The following CDK7 variants were observed in gnomAD, a reference collection of about 807,000 sequenced individuals.
CDK7 encodes the protein cyclin-dependent kinase 7.
CDK7 carries 25 observed loss-of-function variants against 49.1 expected under a neutral mutation model. That is an observed-to-expected ratio of 0.51 (90% CI 0.37 to 0.71). The LOEUF (loss-of-function observed/expected upper bound fraction) is 0.71. Among genes scored for constraint, CDK7 ranks in the 30% least tolerant of loss-of-function variants. The pLI, the probability that CDK7 is intolerant of heterozygous loss-of-function variation, is 0.00. For missense variants in CDK7, 316 were observed against 411.7 expected (o/e 0.77, Z 2.01); for synonymous variants, 107 against 140.0 (o/e 0.76, Z 1.67).
At position 69,234,934 on chromosome 5, in the gene CDK7, G is replaced by T; in HGVS notation, c.-42G>T. Reference sequence around the variant, plus strand: ...TAGCTTTAAATTCGTGTTGTCCTGGGAGCTCGCCCTTTTCGGCTGGAGTCG... The same window carrying T: ...TAGCTTTAAATTCGTGTTGTCCTGGTAGCTCGCCCTTTTCGGCTGGAGTCG... On this transcript the variant is annotated 5_prime_UTR_variant, in exon 1 of 12. Coordinates refer to ENST00000256443, the MANE Select transcript of CDK7 (RefSeq NM_001799.4). 6.4e-7 allele frequency: 1 copy of T among 1,558,778 alleles called. No homozygotes were observed. The highest frequency in any genetic ancestry group is 1.2e-5 in the South Asian group (1 of 85,126).
chr5:69,251,544 G>A (rs1750145315), intron 2 of CDK7, among the ~76,000 whole-genome samples: 1 of 151,956 alleles, frequency 6.6e-6, no homozygotes, highest in Non-Finnish European at 1.5e-5. Flanking sequence ...TTGTGTTTTT[G>A]TTTTTTTGTT....
chr5:69,239,129 A>C (rs141119122), intron 2 of CDK7, among the ~76,000 whole-genome samples: 1 of 152,148 alleles, frequency 6.6e-6, no homozygotes, highest in African/African-American at 2.4e-5. Flanking sequence ...GAAACAAATT[A>C]TGAATTGATG....
intron 9 of CDK7, among the ~76,000 whole-genome samples, chr5:69,271,156 C>G (rs1254038006): frequency 6.6e-6 from 1 of 152,166 alleles, no homozygotes; most frequent in Non-Finnish European, 1.5e-5. Flanking sequence ...TAATTTTAGG[C>G]ATTCTAATGA....
At chr5:69,258,229 GTAAATT>G (rs1351928466) in intron 6 of CDK7, 76 bp downstream of exon 6, 5 of 628,368 alleles carry the variant, frequency 8.0e-6, no homozygotes, top group African/African-American at 1.9e-5. Flanking sequence ...GTCTGAATAT[GTAAATT>G]GTTTAACAAT....
At chr5:69,257,086 A>G (rs1231176169) in intron 5 of CDK7, among the ~76,000 whole-genome samples, 2 of 152,200 alleles carry the variant, frequency 1.3e-5, no homozygotes, top group African/African-American at 4.8e-5. Context: ...TAAAAAGACT[A>G]TGTATTGAAC....
intron 10 of CDK7, 77 bp downstream of exon 10, chr5:69,273,118 A>C: frequency 9.4e-7 from 1 of 1,060,770 alleles, no homozygotes; most frequent in South Asian, 2.3e-5. Flanking sequence ...ATAGAATTTC[A>C]TAAAATTAAC....
intron 2 of CDK7, among the ~76,000 whole-genome samples, chr5:69,247,187 T>G (rs1309293387): frequency 6.6e-6 from 1 of 152,166 alleles, no homozygotes. Flanking sequence ...ATGGTGAAAG[T>G]GGGGGTGTTG....
rs1224785427 is a variant in CDK7 at position 69,254,657 on chromosome 5, A to C, written c.216A>C (p.Pro72=). 1 of 1,521,856 alleles carries C rather than the reference A, an allele frequency of 6.6e-7. No homozygotes were observed. The highest frequency in any genetic ancestry group is 1.4e-5 in the African/African-American group (1 of 73,062). 94.3% of individuals were successfully genotyped at this position (1,521,856 alleles called of 1,614,324 possible). ...EIKLLQELSH[P]NIIGLLDAFG... ...AATTATTACAGGAGCTAAGTCATCCAAATATAATTGGTGTGAGTATGATCA... is the reference window on the plus strand; with the variant it reads ...AATTATTACAGGAGCTAAGTCATCCCAATATAATTGGTGTGAGTATGATCA... Residue 72 remains proline, a synonymous_variant, in exon 4 of 12, where the codon CCA becomes CCC. Coordinates refer to ENST00000256443, the MANE Select transcript of CDK7 (RefSeq NM_001799.4).
chr5:69,240,691 G>A (rs1287980837), intron 2 of CDK7, among the ~76,000 whole-genome samples: 1 of 152,076 alleles, frequency 6.6e-6, no homozygotes, highest in African/African-American at 2.4e-5. Context: ...GCAATGGCGC[G>A]ATCTCGGCTC....
Position 69,252,427 on chromosome 5 carries a change from G to A in CDK7, c.136G>A (p.Gly46Arg). The stretch of plus-strand genomic sequence containing the variant: ...TTTCCGTTTCTACCAGATCAAACTT[G>A]GACATAGATCAGAAGCTAAAGATGG... ...QIVAIKKIKL[G>R]HRSEAKDGIN... is the part of the protein sequence containing the mutation. Residue 46 changes from glycine (G) to arginine (R), a missense_variant, in exon 3 of 12, where the codon GGA becomes AGA. Coordinates refer to ENST00000256443, the MANE Select transcript of CDK7 (RefSeq NM_001799.4). 1 of 1,542,336 alleles carries A rather than the reference G, an allele frequency of 6.5e-7. No individual in the cohort carries two copies. Among genetic ancestry groups the A allele is most frequent in the Non-Finnish European group, 8.8e-7 (1 of 1,140,414 alleles).
At chr5:69,271,849 T>C (rs546763555) in intron 9 of CDK7, among the ~76,000 whole-genome samples, 57 of 152,262 alleles carry the variant, frequency 3.7e-4, no homozygotes, top group African/African-American at 1.3e-3. Context: ...CTACAAGTTT[T>C]GTAGTTTTAT....
chr5:69,234,856 A>G (rs1338285950), upstream of CDK7: 4 of 990,968 alleles, frequency 4.0e-6, no homozygotes, highest in African/African-American at 1.6e-5. Context: ...TGAGGCGGGG[A>G]TACTAAAGCG....
chr5:69,255,380 A>T (rs1750418243), intron 4 of CDK7, 80 bp from the exon 5 acceptor site: 1 of 756,370 alleles, frequency 1.3e-6, no homozygotes, highest in East Asian at 2.5e-5. Flanking sequence ...TGCTTTTTAA[A>T]TTTTTAAAAA....
intron 8 of CDK7, among the ~76,000 whole-genome samples, chr5:69,262,837 A>G (rs1018150752): frequency 1.3e-5 from 2 of 152,202 alleles, no homozygotes; most frequent in Non-Finnish European, 2.9e-5. Context: ...ACTTTACTGT[A>G]GAAGTTTTAT....
At position 69,235,426 on chromosome 5, in the gene CDK7, C is replaced by A. The variant is rs2972388; in HGVS notation, c.99C>A (p.Asn33Lys). The A allele has an allele frequency of 3.1e-6, 5 of 1,599,938 alleles. No homozygotes were observed. Among genetic ancestry groups the A allele is most frequent in the East Asian group, 4.5e-5 (2 of 44,834 alleles). The change falls in exon 2 of 12, where the codon AAC becomes AAA. Residue 33 changes from asparagine (N) to lysine (K), a missense_variant. Asn to Lys is a moderately conservative substitution (Grantham distance 94). Coordinates refer to ENST00000256443, the MANE Select transcript of CDK7 (RefSeq NM_001799.4). ...FATVYKARDK[N>K]TNQIVAIKKI... ...CCGTTTACAAGGCCAGAGATAAGAA[C>A]ACCAACCAAATTGTCGCCATTAAGA...
At chr5:69,236,844 G>T (rs1373668529) in intron 2 of CDK7, among the ~76,000 whole-genome samples, 2 of 150,874 alleles carry the variant, frequency 1.3e-5, no homozygotes, top group African/African-American at 4.9e-5. Context: ...TAGAGACAGG[G>T]TTTCGCCATG....
intron 5 of CDK7, 184 bp downstream of exon 5, chr5:69,255,712 C>T (rs1195517992): frequency 1.6e-6 from 1 of 626,614 alleles, no homozygotes; most frequent in African/African-American, 1.8e-5. Context: ...TAGTGATATC[C>T]CCAGTGTTAC....
At chr5:69,265,725 T>C (rs143552140) in intron 8 of CDK7, among the ~76,000 whole-genome samples, 2 of 151,964 alleles carry the variant, frequency 1.3e-5, no homozygotes, top group East Asian at 1.9e-4. Flanking sequence ...ACTTGGGCAA[T>C]GTGGTGAAAC....
At chr5:69,273,993 T>G (rs1308110763) in intron 10 of CDK7, among the ~76,000 whole-genome samples, 2 of 152,206 alleles carry the variant, frequency 1.3e-5, no homozygotes, top group Admixed American at 6.5e-5. Flanking sequence ...TAAAAAATTT[T>G]TCTTTATTAT....
Sources: gnomAD v4.1 joint callset for allele counts (sites outside exome capture counted in the v4.1 genomes callset) on GRCh38, gnomAD v4.1.1 for gene constraint, MANE v1.5 for transcripts, NCBI Gene and HGNC (gene_info 2026-07-23, HGNC 2026-07-21) for gene names.